AGBL4: variants seen among roughly 807,000 people sequenced by gnomAD.
The protein encoded by AGBL4 is cytosolic carboxypeptidase 6.
In AGBL4, 58 loss-of-function variants were observed where a neutral mutation model predicts 66.4. The observed-to-expected ratio is 0.87, with a 90% confidence interval of 0.71 to 1.09. The LOEUF (loss-of-function observed/expected upper bound fraction) is 1.09. Ranked by LOEUF, AGBL4 falls within the 50% of genes least tolerant of loss-of-function variation. The pLI, the probability that AGBL4 is intolerant of heterozygous loss-of-function variation, is 0.00. For synonymous variants in AGBL4, 234 were observed against 222.9 expected (o/e 1.05, Z -0.44); for missense variants, 579 against 631.0 (o/e 0.92, Z 0.88).
intron 1 of AGBL4, among the ~76,000 whole-genome samples, chr1:49,948,090 A>G (rs1347483635): frequency 1.1e-5 from 1 of 89,516 alleles, no homozygotes. Context: ...ATGTAAATAT[A>G]TGTATATGTA....
intron 2 of AGBL4, among the ~76,000 whole-genome samples, chr1:49,836,158 T>A (rs939440565): frequency 3.3e-5 from 5 of 152,210 alleles, no homozygotes; most frequent in African/African-American, 1.2e-4. Context: ...CTGGATAATA[T>A]CCTGAAGTGT....
chr1:49,595,877 G>A (rs1287782914), intron 3 of AGBL4, among the ~76,000 whole-genome samples: 5 of 152,090 alleles, frequency 3.3e-5, no homozygotes, highest in African/African-American at 4.8e-5. Flanking sequence ...CAAATCAAAC[G>A]TTTTCCCAGA....
intron 6 of AGBL4, among the ~76,000 whole-genome samples, chr1:48,720,257 C>T (rs1172535966): frequency 6.6e-6 from 1 of 152,144 alleles, no homozygotes; most frequent in Non-Finnish European, 1.5e-5. Context: ...TACCAGAGGT[C>T]ACAAGAGGTG....
intron 11 of AGBL4, among the ~76,000 whole-genome samples, chr1:48,579,931 A>C (rs1239140796): frequency 6.6e-6 from 1 of 150,704 alleles, no homozygotes; most frequent in Non-Finnish European, 1.5e-5. Flanking sequence ...AAAAAAAAAA[A>C]AAAAAAGAAT....
chr1:49,733,366 A>C (rs572543748), intron 2 of AGBL4, among the ~76,000 whole-genome samples: 4 of 152,234 alleles, frequency 2.6e-5, no homozygotes, highest in Admixed American at 6.5e-5. Flanking sequence ...AATGGTAAAC[A>C]TGTGGGTAAA....
chr1:49,194,109 G>T (rs1647179341), intron 4 of AGBL4, among the ~76,000 whole-genome samples: 2 of 152,050 alleles, frequency 1.3e-5, no homozygotes, highest in Admixed American at 1.3e-4. Context: ...GCTGTTAGTA[G>T]GATGTTGAAG....
intron 5 of AGBL4, among the ~76,000 whole-genome samples, chr1:48,975,538 C>T (rs757174235): frequency 3.3e-5 from 5 of 151,968 alleles, no homozygotes; most frequent in Non-Finnish European, 7.4e-5. Flanking sequence ...TTGTAAACCC[C>T]GATAAAGATG....
At chr1:48,842,614 T>C (rs1273659209) in intron 6 of AGBL4, among the ~76,000 whole-genome samples, 2 of 152,306 alleles carry the variant, frequency 1.3e-5, no homozygotes, top group Admixed American at 6.5e-5. Context: ...GGAATGGTGG[T>C]TCCTCAGAAA....
At chr1:49,406,614 T>C (rs1357701406) in intron 3 of AGBL4, among the ~76,000 whole-genome samples, 2 of 152,118 alleles carry the variant, frequency 1.3e-5, no homozygotes, top group Admixed American at 1.3e-4. Context: ...AAAAAAATGG[T>C]ACAGGTAATA....
At chr1:48,740,481 A>G (rs1649747800) in intron 6 of AGBL4, among the ~76,000 whole-genome samples, 1 of 152,258 alleles carries the variant, frequency 6.6e-6, no homozygotes, top group African/African-American at 2.4e-5. Flanking sequence ...GAAATAAAAC[A>G]TTTAGACAAA....
Position 49,749,529 on chromosome 1 carries a change from T to C in AGBL4, c.158-52092A>G, listed in dbSNP as rs575440542. Among the ~76,000 whole-genome samples, 5 of 152,310 alleles carry C rather than the reference T, an allele frequency of 3.3e-5. No homozygotes were observed. The South Asian group carries it at 1.0e-3, about 32-fold the overall frequency. On this transcript the variant is annotated intron_variant, in intron 2 of 13. Coordinates refer to ENST00000371839, the MANE Select transcript of AGBL4 (RefSeq NM_032785.4). ...AATAGTAAATTGACAAATTAACTACTTGAGCCAACAAATAAATTTAGCAAA... is the reference window on the plus strand; with the variant it reads ...AATAGTAAATTGACAAATTAACTACCTGAGCCAACAAATAAATTTAGCAAA...
chr1:48,543,381 ACCAT>A (rs10568742), intron 11 of AGBL4, among the ~76,000 whole-genome samples: 39,192 of 148,392 alleles, frequency 0.26, 6,242 homozygotes, highest in African/African-American at 0.42. Context: ...GAAATGATTT[ACCAT>A]CCATCCATCC....
chr1:49,294,828 C>A (rs1309176909), intron 3 of AGBL4, among the ~76,000 whole-genome samples: 2 of 152,166 alleles, frequency 1.3e-5, no homozygotes, highest in African/African-American at 2.4e-5. Flanking sequence ...ATAGGTACCT[C>A]CTCTTTTCTC....
chr1:48,756,744 A>T (rs1056543705), intron 6 of AGBL4, among the ~76,000 whole-genome samples: 4 of 152,182 alleles, frequency 2.6e-5, no homozygotes, highest in Admixed American at 2.6e-4. Flanking sequence ...TAATCAATAG[A>T]CTTTTAAGCT....
intron 2 of AGBL4, among the ~76,000 whole-genome samples, chr1:49,828,225 C>T (rs1645561568): frequency 6.6e-6 from 1 of 152,112 alleles, no homozygotes; most frequent in African/African-American, 2.4e-5. Flanking sequence ...AATGCCTACT[C>T]TATGTTAGGC....
intron 3 of AGBL4, among the ~76,000 whole-genome samples, chr1:49,294,817 C>T (rs1644608084): frequency 6.6e-6 from 1 of 152,174 alleles, no homozygotes; most frequent in Non-Finnish European, 1.5e-5. Context: ...CTCAAACTCA[C>T]ATAGGTACCT....
chr1:48,559,020 T>C (rs1040086948), intron 11 of AGBL4, among the ~76,000 whole-genome samples: 19 of 152,188 alleles, frequency 1.2e-4, no homozygotes, highest in Non-Finnish European at 2.6e-4. Flanking sequence ...TCCTTACTGC[T>C]GACCAGAACA....
At chr1:49,446,836 C>G (rs1054747699) in intron 3 of AGBL4, among the ~76,000 whole-genome samples, 1 of 152,150 alleles carries the variant, frequency 6.6e-6, no homozygotes, top group African/African-American at 2.4e-5. Flanking sequence ...ACTCCAAAGC[C>G]CATTCTCTGG....
At chr1:48,722,645 A>G (rs928977810) in intron 6 of AGBL4, among the ~76,000 whole-genome samples, 1 of 152,224 alleles carries the variant, frequency 6.6e-6, no homozygotes, top group African/African-American at 2.4e-5. Context: ...TGTTAGCCAA[A>G]AAGAGAGAAT....
Sources: allele counts gnomAD v4.1 joint callset (sites outside exome capture counted in the v4.1 genomes callset), GRCh38; gene constraint gnomAD v4.1.1; transcripts MANE v1.5; gene names NCBI Gene and HGNC (gene_info 2026-07-23, HGNC 2026-07-21).